The following PAWR variants were observed in gnomAD, a reference collection of about 807,000 sequenced individuals.
The protein encoded by PAWR is PRKC apoptosis WT1 regulator protein.
A neutral mutation model predicts 32.0 loss-of-function variants in PAWR; 23 were observed. The observed-to-expected ratio is 0.72, with a 90% CI of 0.52 to 1.02. PAWR has a LOEUF of 1.02. Among genes scored for constraint, PAWR ranks in the 50% least tolerant of loss-of-function variants. PAWR has a pLI of 0.00. For synonymous variants in PAWR, 226 were observed against 187.1 expected, an observed-to-expected ratio of 1.21 and a Z score of -1.70; for missense variants, 457 against 437.7, an observed-to-expected ratio of 1.04 and a Z score of -0.39.
chr12:79,627,548 C>T (rs541855938), intron 2 of PAWR, among the ~76,000 whole-genome samples: 2 of 152,180 alleles, frequency 1.3e-5, no homozygotes, highest in East Asian at 3.9e-4. Flanking sequence ...GTTGCCTGTT[C>T]ACTCTGATGG....
intron 2 of PAWR, among the ~76,000 whole-genome samples, chr12:79,687,806 A>G (rs185537585): frequency 6.6e-6 from 1 of 152,308 alleles, no homozygotes; most frequent in African/African-American, 2.4e-5. Context: ...TCTGAAATAC[A>G]TAAGTTGTTT....
chr12:79,684,381 C>T (rs566714218), intron 2 of PAWR, among the ~76,000 whole-genome samples: 2 of 152,030 alleles, frequency 1.3e-5, no homozygotes, highest in Non-Finnish European at 1.5e-5. Context: ...GAGGCTGAGG[C>T]GGGTAGATCA....
intron 2 of PAWR, among the ~76,000 whole-genome samples, chr12:79,661,990 A>G (rs919123088): frequency 6.6e-6 from 1 of 152,150 alleles, no homozygotes; most frequent in African/African-American, 2.4e-5. Flanking sequence ...TCTCATACCC[A>G]AAGATAGTAT....
intron 2 of PAWR, among the ~76,000 whole-genome samples, chr12:79,671,003 T>A (rs1273473486): frequency 3.4e-5 from 5 of 148,868 alleles, no homozygotes; most frequent in African/African-American, 9.9e-5. Context: ...AAAGGAAAAA[T>A]ATTAGCCAGG....
intron 2 of PAWR, among the ~76,000 whole-genome samples, chr12:79,649,565 T>C (rs955090331): frequency 3.9e-5 from 6 of 152,130 alleles, no homozygotes; most frequent in African/African-American, 7.2e-5. Flanking sequence ...CGCAGAAGGA[T>C]TGCTTGAAGC....
At position 79,590,708 on chromosome 12, in the gene PAWR, AAAGG is replaced by A. The variant is rs1472975981; in HGVS notation, c.*1895_*1898del. The stretch of plus-strand genomic sequence containing the variant: ...GTGTGCCACATAACTAAGGGTAACT[AAAGG>A]AAGATGAGTACCTCACAACCAAAAG... On this transcript the variant is annotated 3_prime_UTR_variant, in exon 7 of 7. Transcript: ENST00000328827. The A allele has an allele frequency of 6.6e-6, 1 of 152,202 alleles. No homozygotes were observed. Among genetic ancestry groups the A allele is most frequent in the East Asian group, 1.9e-4 (1 of 5,192 alleles). The allele number at this position is 152,202 out of a possible 1,614,324, so 9.4% of individuals were successfully genotyped here.
intron 2 of PAWR, among the ~76,000 whole-genome samples, chr12:79,641,458 C>T (rs529730239): frequency 6.6e-6 from 1 of 152,320 alleles, no homozygotes; most frequent in Admixed American, 6.5e-5. Context: ...ACCACATTTA[C>T]TGTTTTATGA....
chr12:79,653,115 C>T (rs1876930745), intron 2 of PAWR, among the ~76,000 whole-genome samples: 3 of 152,090 alleles, frequency 2.0e-5, no homozygotes. Flanking sequence ...ATGATCTCAG[C>T]TCACTGCAAC....
chr12:79,611,858 T>G (rs1044936022), intron 4 of PAWR, among the ~76,000 whole-genome samples: 5 of 152,156 alleles, frequency 3.3e-5, no homozygotes, highest in Non-Finnish European at 5.9e-5. Context: ...GCCTTCTGAT[T>G]TAACACAATG....
chr12:79,684,183 A>T lies in PAWR; in HGVS notation c.516+5546T>A, dbSNP rs142208302. Among the ~76,000 whole-genome samples the T allele has an allele frequency of 4.1e-3, 624 of 152,324 alleles. 12 individuals are homozygous for T. Among genetic ancestry groups the T allele is most frequent in the African/African-American group, 0.014 (592 of 41,576 alleles). On this transcript the variant is annotated intron_variant, in intron 2 of 6. Coordinates refer to ENST00000328827, the MANE Select transcript of PAWR (RefSeq NM_002583.4). ...ATTTTTAAAAAAGGAAAAAAAGCAC[A>T]GAGAAAATGTCAAACCCTAATATTT... is the stretch of plus-strand genomic sequence containing the variant.
intron 6 of PAWR, among the ~76,000 whole-genome samples, 164 bp downstream of exon 6, chr12:79,594,165 A>G (rs1873660735): frequency 6.6e-6 from 1 of 152,184 alleles, no homozygotes; most frequent in Non-Finnish European, 1.5e-5. Context: ...TAACTGCCCA[A>G]AGGAAATCAG....
chr12:79,638,426 C>A (rs898470744), intron 2 of PAWR, among the ~76,000 whole-genome samples: 1 of 152,002 alleles, frequency 6.6e-6, no homozygotes, highest in African/African-American at 2.4e-5. Context: ...TTCTAGTTTA[C>A]CTTTTAATTC....
intron 2 of PAWR, among the ~76,000 whole-genome samples, chr12:79,685,654 G>C (rs1878648437): frequency 6.6e-6 from 1 of 152,074 alleles, no homozygotes; most frequent in South Asian, 2.1e-4. Flanking sequence ...CCGAGAGCCT[G>C]GTGTTCAAAA....
intron 2 of PAWR, among the ~76,000 whole-genome samples, chr12:79,653,022 TTTTTGTG>T (rs1876921546): frequency 6.6e-6 from 1 of 152,052 alleles, no homozygotes; most frequent in South Asian, 2.1e-4. Flanking sequence ...AGAAATTCTG[TTTTTGTG>T]TTTGTTTTTT....
intron 4 of PAWR, among the ~76,000 whole-genome samples, chr12:79,606,159 A>G (rs375922675): frequency 6.6e-6 from 1 of 152,210 alleles, no homozygotes; most frequent in East Asian, 1.9e-4. Context: ...AGACAAATCT[A>G]TAAGGACAGA....
At position 79,645,036 on chromosome 12, in the gene PAWR, CCA is replaced by C. The variant is rs60664351; in HGVS notation, c.517-23831_517-23830del. Among the ~76,000 whole-genome samples, 312 of 119,428 alleles carry C rather than the reference CCA, an allele frequency of 2.6e-3. 1 individual carries two copies. Among genetic ancestry groups the C allele is most frequent in the South Asian group, 6.0e-3 (22 of 3,674 alleles). The allele number at this position is 119,428 out of a possible 152,430, so 78.3% of individuals were successfully genotyped here. A position where few individuals can be genotyped will look rare whatever the true frequency, so the allele number is the denominator to read the frequency against. On this transcript the variant is annotated intron_variant, in intron 2 of 6. Coordinates refer to ENST00000328827, the MANE Select transcript of PAWR (RefSeq NM_002583.4). The stretch of plus-strand genomic sequence containing the variant: ...AAGAATCATGCTCCCTCCACCCCCA[CCA>C]CACACACACACACACACACACACAC...
chr12:79,663,225 T>C (rs574898072), intron 2 of PAWR, among the ~76,000 whole-genome samples: 6 of 152,330 alleles, frequency 3.9e-5, no homozygotes, highest in African/African-American at 1.4e-4. Context: ...GTTTTGTACA[T>C]GGGATATGGA....
chr12:79,690,380 C>A lies in PAWR; in HGVS notation c.-136G>T. ...AGAGGGACGGCCGCCGCTCCCACAG[C>A]AGCCGGCGGGGCTGAGGTGAAAGAC... On this transcript the variant is annotated 5_prime_UTR_variant, in exon 2 of 7. Transcript: ENST00000328827. The A allele has an allele frequency of 7.4e-7, 1 of 1,348,614 alleles. No homozygotes were observed. The allele number at this position is 1,348,614 out of a possible 1,614,324, so 83.5% of individuals were successfully genotyped here. A position where few individuals can be genotyped will look rare whatever the true frequency, so the allele number is the denominator to read the frequency against.
At chr12:79,622,936 A>G (rs1436546770) in intron 2 of PAWR, among the ~76,000 whole-genome samples, 1 of 152,214 alleles carries the variant, frequency 6.6e-6, no homozygotes, top group Non-Finnish European at 1.5e-5. Flanking sequence ...CGAAAGGCAT[A>G]GAGGGAACAT....
Sources: allele counts gnomAD v4.1 joint callset (sites outside exome capture counted in the v4.1 genomes callset), GRCh38; gene constraint gnomAD v4.1.1; transcripts MANE v1.5; gene names NCBI Gene and HGNC (gene_info 2026-07-23, HGNC 2026-07-21).